NRG1: variants seen among roughly 807,000 people sequenced by gnomAD.
NRG1 encodes the protein neuregulin 1, also known as pro-neuregulin-1, membrane-bound isoform.
In NRG1, 18 loss-of-function variants were observed where a neutral mutation model predicts 63.8. That is an observed-to-expected ratio of 0.28 (90% CI 0.19 to 0.42). NRG1 has a LOEUF of 0.42. NRG1 is among the 10% of genes least tolerant of loss of function. The pLI, the probability that NRG1 is intolerant of heterozygous loss-of-function variation, is 1.00. For synonymous variants in NRG1, 302 were observed against 301.3 expected (o/e 1.00, Z -0.02); for missense variants, 762 against 814.7 (o/e 0.94, Z 0.79).
At chr8:32,583,077 C>G (rs1312957085) in intron 1 of NRG1, among the ~76,000 whole-genome samples, 1 of 151,788 alleles carries the variant, frequency 6.6e-6, no homozygotes, top group African/African-American at 2.4e-5. Flanking sequence ...TCAAGAATGA[C>G]CAAAAGTATA....
intron 3 of NRG1, among the ~76,000 whole-genome samples, chr8:32,607,607 G>A (rs986252929): frequency 3.9e-5 from 6 of 152,146 alleles, no homozygotes; most frequent in African/African-American, 9.7e-5. Flanking sequence ...GGTACTGAAA[G>A]TTTGATAATA....
At chr8:32,283,290 G>A (rs1853104455) in intron 1 of NRG1, among the ~76,000 whole-genome samples, 1 of 151,924 alleles carries the variant, frequency 6.6e-6, no homozygotes, top group Non-Finnish European at 1.5e-5. Flanking sequence ...AAAACCTTTA[G>A]GAGACAAGTT....
intron 1 of NRG1, among the ~76,000 whole-genome samples, chr8:32,482,469 A>G (rs1825424202): frequency 6.6e-6 from 1 of 150,658 alleles, no homozygotes; most frequent in African/African-American, 2.5e-5. Context: ...TTCTCCATCC[A>G]TTCTTTGCAC....
At chr8:32,205,345 A>G (rs769099237) in intron 1 of NRG1, among the ~76,000 whole-genome samples, 1 of 152,152 alleles carries the variant, frequency 6.6e-6, no homozygotes, top group Non-Finnish European at 1.5e-5. Flanking sequence ...TTTTTTCCCC[A>G]GTGATTCTCT....
At chr8:32,497,446 CA>C (rs34243536) in intron 1 of NRG1, among the ~76,000 whole-genome samples, 67,768 of 119,458 alleles carry the variant, frequency 0.57, 16,982 homozygotes, top group East Asian at 0.77. Flanking sequence ...GATTTTGTAT[CA>C]AAAAAAAAAA....
At chr8:32,365,520 T>G (rs1233125369) in intron 1 of NRG1, among the ~76,000 whole-genome samples, 1 of 152,192 alleles carries the variant, frequency 6.6e-6, no homozygotes, top group African/African-American at 2.4e-5. Flanking sequence ...TATTTTGATA[T>G]TTGACCCATC....
chr8:32,519,166 T>A (rs898196157), intron 1 of NRG1, among the ~76,000 whole-genome samples: 2 of 152,288 alleles, frequency 1.3e-5, no homozygotes, highest in Admixed American at 1.3e-4. Flanking sequence ...TGGAGTTAAT[T>A]AAAGTTAATT....
At chr8:32,277,790 T>A (rs1202777988) in intron 1 of NRG1, among the ~76,000 whole-genome samples, 5 of 152,188 alleles carry the variant, frequency 3.3e-5, no homozygotes, top group Admixed American at 6.5e-5. Context: ...GGATCGTTCA[T>A]TCCAAAATGT....
At chr8:32,042,655 C>A (rs1320248865) in intron 1 of NRG1, among the ~76,000 whole-genome samples, 1 of 151,938 alleles carries the variant, frequency 6.6e-6, no homozygotes, top group African/African-American at 2.4e-5. Context: ...AAGGGCAAAT[C>A]TCTTTATATG....
intron 2 of NRG1, among the ~76,000 whole-genome samples, chr8:32,602,130 CAT>C (rs1475611180): frequency 6.6e-6 from 1 of 152,078 alleles, no homozygotes. Flanking sequence ...TCCATGGCCA[CAT>C]GTCATGGCTG....
intron 1 of NRG1, among the ~76,000 whole-genome samples, chr8:32,113,265 C>A (rs749555056): frequency 3.3e-5 from 5 of 152,132 alleles, no homozygotes. Flanking sequence ...GTGAGAGGCA[C>A]GGGGAAGCCA....
intron 1 of NRG1, among the ~76,000 whole-genome samples, chr8:32,282,960 T>G (rs1315478382): frequency 6.6e-6 from 1 of 152,118 alleles, no homozygotes; most frequent in Non-Finnish European, 1.5e-5. Context: ...AGTATATATA[T>G]GTGGTTTTGA....
intron 1 of NRG1, among the ~76,000 whole-genome samples, chr8:32,512,501 A>G (rs1829333867): frequency 6.6e-6 from 1 of 152,218 alleles, no homozygotes; most frequent in South Asian, 2.1e-4. Flanking sequence ...CATAGCTAGC[A>G]TTGATTGAGC....
At chr8:32,318,118 G>A (rs1252371661) in intron 1 of NRG1, among the ~76,000 whole-genome samples, 1 of 152,118 alleles carries the variant, frequency 6.6e-6, no homozygotes, top group Non-Finnish European at 1.5e-5. Context: ...GAAGTATTTG[G>A]CAGAAGGCAA....
intron 1 of NRG1, among the ~76,000 whole-genome samples, chr8:32,180,302 A>G (rs1466849424): frequency 6.6e-6 from 1 of 152,176 alleles, no homozygotes; most frequent in Admixed American, 6.6e-5. Context: ...CTCCAGCTAA[A>G]CAATCTAATC....
Position 31,805,881 on chromosome 8 carries a change from C to T in NRG1, c.37+166450C>T, listed in dbSNP as rs183714314. 3.9e-4 allele frequency among the ~76,000 whole-genome samples: 58 copies of T among 149,862 alleles called. 1 individual carries two copies. The highest frequency in any genetic ancestry group is 1.4e-3 in the African/African-American group (57 of 40,968). On this transcript the variant is annotated intron_variant, in intron 1 of 10. Coordinates refer to the NRG1 transcript ENST00000519301. ...AATACCATCTCTACTCTCAATGTAT[C>T]GTGGACGATAATAACTATGCTAGTA... is the stretch of plus-strand genomic sequence containing the variant.
At chr8:32,713,730 TATATA>T (rs959147890) in intron 5 of NRG1, among the ~76,000 whole-genome samples, 29 of 146,232 alleles carry the variant, frequency 2.0e-4, no homozygotes, top group African/African-American at 3.7e-4. Flanking sequence ...ATGTTATAAA[TATATA>T]ATATATTTGT....
intron 1 of NRG1, among the ~76,000 whole-genome samples, chr8:32,503,288 G>GGAAAAA (rs1175759898): frequency 9.1e-5 from 5 of 54,860 alleles, no homozygotes; most frequent in Non-Finnish European, 1.7e-4. Context: ...CTCTGTCTCA[G>GGAAAAA]AAAAAAAAAA....
At chr8:31,949,797 G>T (rs994981862) in intron 1 of NRG1, among the ~76,000 whole-genome samples, 1 of 152,116 alleles carries the variant, frequency 6.6e-6, no homozygotes, top group Non-Finnish European at 1.5e-5. Flanking sequence ...AAAATACCCT[G>T]GATATCTCTC....
Sources: allele counts gnomAD v4.1 joint callset (sites outside exome capture counted in the v4.1 genomes callset), GRCh38; gene constraint gnomAD v4.1.1; transcripts MANE v1.5; gene names NCBI Gene and HGNC (gene_info 2026-07-23, HGNC 2026-07-21).